Variants in PIAS1 observed in about 807,000 individuals in gnomAD.
The protein encoded by PIAS1 is E3 SUMO-protein ligase PIAS1.
A neutral mutation model predicts 71.3 loss-of-function variants in PIAS1; 6 were observed. The ratio of observed to expected loss-of-function variants is 0.08; its 90% confidence interval spans 0.05 to 0.17. The LOEUF (loss-of-function observed/expected upper bound fraction) is 0.17, where lower values mean the gene tolerates loss of function less well. Ranked by LOEUF, PIAS1 falls within the 10% of genes least tolerant of loss-of-function variation. The pLI is 1.00. For missense variants in PIAS1, 555 were observed against 793.6 expected, an observed-to-expected ratio of 0.70 and a Z score of 3.61; for synonymous variants, 303 against 292.9, an observed-to-expected ratio of 1.03 and a Z score of -0.35.
intron 1 of PIAS1, among the ~76,000 whole-genome samples, chr15:68,076,821 A>T (rs78569229): frequency 2.0e-5 from 3 of 152,178 alleles, no homozygotes; most frequent in Admixed American, 2.0e-4. Flanking sequence ...GTCATTAACT[A>T]TACTTGCATA....
chr15:68,143,251 T>C (rs1010547525), intron 4 of PIAS1, among the ~76,000 whole-genome samples: 1 of 152,070 alleles, frequency 6.6e-6, no homozygotes, highest in African/African-American at 2.4e-5. Flanking sequence ...CAGTTAGCCT[T>C]GTCTCAATAA....
intron 1 of PIAS1, among the ~76,000 whole-genome samples, chr15:68,085,456 A>G (rs1043672955): frequency 4.6e-5 from 7 of 152,200 alleles, no homozygotes; most frequent in Non-Finnish European, 7.4e-5. Context: ...AGCCTCATGC[A>G]TTATGGCATA....
intron 1 of PIAS1, among the ~76,000 whole-genome samples, chr15:68,073,305 C>G (rs2092122195): frequency 6.6e-6 from 1 of 152,198 alleles, no homozygotes; most frequent in Non-Finnish European, 1.5e-5. Flanking sequence ...GTGTGAGCCA[C>G]CGTGCCCGGC....
In PIAS1 at chr15:68,097,343, TTAAGTATAATGTTA is replaced by T. The variant is rs1314120450; in HGVS notation, c.469+10594_469+10607del. 1.1e-4 allele frequency among the ~76,000 whole-genome samples: 17 copies of T among 152,310 alleles called. No individual in the cohort carries two copies. In the East Asian group the frequency reaches 3.1e-3, roughly 28 times the overall value. ...AAGAAAAGCATCTTGTCTTTCACCA[TTAAGTATAATGTTA>T]GCTGTGGATTCTTTCATAGATGCCC... On this transcript the variant is annotated intron_variant, in intron 2 of 13. Transcript: ENST00000249636.
intron 2 of PIAS1, among the ~76,000 whole-genome samples, chr15:68,135,122 G>A (rs1228290365): frequency 2.2e-5 from 1 of 46,306 alleles, no homozygotes. Flanking sequence ...CCTCCCGGAC[G>A]GGGCGGCTGG....
chr15:68,072,450 A>G (rs1039489640), intron 1 of PIAS1, among the ~76,000 whole-genome samples: 3 of 148,794 alleles, frequency 2.0e-5, no homozygotes, highest in Non-Finnish European at 3.0e-5. Context: ...AGTTGGGGCC[A>G]GATTGTTATG....
At chr15:68,075,094 T>C (rs2092145220) in intron 1 of PIAS1, among the ~76,000 whole-genome samples, 1 of 141,014 alleles carries the variant, frequency 7.1e-6, no homozygotes, top group Non-Finnish European at 1.5e-5. Flanking sequence ...TTTTTTTTTT[T>C]TTTTTTTTTT....
Position 68,183,653 on chromosome 15 carries a change from T to C in PIAS1, c.1648T>C (p.Ser550Pro). 1.8e-6 allele frequency: 2 copies of C among 1,112,142 alleles called. No individual in the cohort carries two copies. The highest frequency in any genetic ancestry group is 1.4e-5 in the South Asian group (1 of 71,518). The allele number at this position is 1,112,142 out of a possible 1,614,324, so 68.9% of individuals were successfully genotyped here. The change falls in exon 13 of 14, where the codon TCA (serine) becomes CCA (proline). Residue 550 changes from serine to proline, a missense_variant. By Grantham distance (74) the Ser-to-Pro change is moderately conservative. Transcript: ENST00000249636. ...AGGATTAGATTTCTTTCCTTTCTTA[T>C]CAGGAGACAATCAGGTATGTTATGA... ...LQGLDFFPFL[S>P]GDNQHYNTSL...
intron 1 of PIAS1, among the ~76,000 whole-genome samples, chr15:68,059,536 C>A (rs928925373): frequency 6.6e-6 from 1 of 151,102 alleles, no homozygotes; most frequent in Non-Finnish European, 1.5e-5. Flanking sequence ...ATAGTGAAAC[C>A]CCGTCTCTAC....
At chr15:68,153,188 A>G (rs1308224973) in intron 6 of PIAS1, among the ~76,000 whole-genome samples, 1 of 152,200 alleles carries the variant, frequency 6.6e-6, no homozygotes, top group East Asian at 1.9e-4. Context: ...AATATGGTTT[A>G]TAGCTTTGAC....
At chr15:68,153,810 T>G in intron 7 of PIAS1, 115 bp downstream of exon 7, 1 of 612,872 alleles carries the variant, frequency 1.6e-6, no homozygotes. Flanking sequence ...TGTTGTGTAG[T>G]TCTTAGAGTA....
intron 2 of PIAS1, among the ~76,000 whole-genome samples, chr15:68,132,781 A>G (rs573115358): frequency 6.6e-6 from 1 of 152,174 alleles, no homozygotes; most frequent in Admixed American, 6.5e-5. Flanking sequence ...TAACAACCAA[A>G]GTGAGAGTCC....
At chr15:68,142,889 A>G (rs964338015) in intron 4 of PIAS1, among the ~76,000 whole-genome samples, 3 of 152,118 alleles carry the variant, frequency 2.0e-5, no homozygotes, top group Admixed American at 6.6e-5. Flanking sequence ...AAATAATTTA[A>G]ATATGCTCTA....
At chr15:68,070,612 T>C (rs1435691258) in intron 1 of PIAS1, among the ~76,000 whole-genome samples, 1 of 152,204 alleles carries the variant, frequency 6.6e-6, no homozygotes, top group Non-Finnish European at 1.5e-5. Context: ...ACTTGAAATA[T>C]GGTTAGTCCT....
At chr15:68,091,540 T>G (rs2092332603) in intron 2 of PIAS1, among the ~76,000 whole-genome samples, 1 of 152,212 alleles carries the variant, frequency 6.6e-6, no homozygotes, top group South Asian at 2.1e-4. Flanking sequence ...TTTAATATAG[T>G]GCTTTTAAAT....
intron 2 of PIAS1, among the ~76,000 whole-genome samples, chr15:68,121,785 C>T (rs531780754): frequency 2.4e-4 from 36 of 152,086 alleles, no homozygotes; most frequent in Non-Finnish European, 5.0e-4. Context: ...TCCAAAGAAG[C>T]CCTATTGAAC....
At chr15:68,101,992 T>C (rs1321860005) in intron 2 of PIAS1, among the ~76,000 whole-genome samples, 1 of 152,200 alleles carries the variant, frequency 6.6e-6, no homozygotes, top group Non-Finnish European at 1.5e-5. Context: ...CACCCCAGCC[T>C]ACCAAAACAC....
chr15:68,115,785 A>G (rs2092560358), intron 2 of PIAS1, among the ~76,000 whole-genome samples: 1 of 151,994 alleles, frequency 6.6e-6, no homozygotes, highest in Non-Finnish European at 1.5e-5. Context: ...TTCCTCATCT[A>G]TTGAGCTGTT....
intron 1 of PIAS1, among the ~76,000 whole-genome samples, chr15:68,066,120 T>A (rs1197434543): frequency 6.6e-6 from 1 of 151,670 alleles, no homozygotes; most frequent in Non-Finnish European, 1.5e-5. Flanking sequence ...GTTATGTTTT[T>A]TCTTTTTTCT....
Sources: gnomAD v4.1 joint callset for allele counts (sites outside exome capture counted in the v4.1 genomes callset) on GRCh38, gnomAD v4.1.1 for gene constraint, MANE v1.5 for transcripts, NCBI Gene and HGNC (gene_info 2026-07-23, HGNC 2026-07-21) for gene names.